MACF1: variants seen among roughly 807,000 people sequenced by gnomAD.
The protein encoded by MACF1 is microtubule-actin cross-linking factor 1.
Under a neutral mutation model 854.8 loss-of-function variants are expected in MACF1, and 193 were observed. The ratio of observed to expected loss-of-function variants is 0.23; its 90% CI spans 0.20 to 0.25. The LOEUF (loss-of-function observed/expected upper bound fraction) is 0.25. Among genes scored for constraint, MACF1 ranks in the 10% least tolerant of loss-of-function variants. MACF1 has a pLI of 1.00. For missense variants in MACF1, 7,722 were observed against 8,929.1 expected, an observed-to-expected ratio of 0.86 and a Z score of 5.45; for synonymous variants, 3,185 against 3,226.7, an observed-to-expected ratio of 0.99 and a Z score of 0.44.
Position 39,191,395 on chromosome 1 carries a change from T to C in MACF1, c.221-39787T>C, listed in dbSNP as rs182279180. 1.5e-3 allele frequency among the ~76,000 whole-genome samples: 224 copies of C among 152,346 alleles called. 2 individuals carry two copies. Among genetic ancestry groups the C allele is most frequent in the African/African-American group, 5.2e-3 (216 of 41,584 alleles). The stretch of plus-strand genomic sequence containing the variant: ...GCAGCTGTTTCCAAAATGTTTGCAC[T>C]AACTCCATAGATTCATGTCTGAAGG... On this transcript the variant is annotated intron_variant, in intron 2 of 93. Coordinates refer to the MACF1 transcript ENST00000361689.
rs554015654 is a variant in MACF1, at chr1:39,442,798, G to A, written c.19189G>A (p.Gly6397Arg). The A allele has an allele frequency of 2.5e-6, 4 of 1,614,154 alleles. No homozygotes were observed. The highest frequency in any genetic ancestry group is 2.2e-5 in the East Asian group (1 of 44,882). Reference protein sequence around the residue: ...AGNELLESSAGDDASSLRSRL... With the variant: ...AGNELLESSARDDASSLRSRL... ...CAATGAGCTTCTTGAATCCAGTGCT[G>A]GAGATGATGCCAGCAGCTTAAGGAG... The change falls in exon 78 of 101, where the codon GGA becomes AGA. Residue 6397 changes from glycine (G) to arginine (R), a missense_variant. Physicochemically the swap from Gly to Arg is moderately radical, Grantham distance 125. Coordinates refer to ENST00000564288, the MANE Select transcript of MACF1 (RefSeq NM_001394062.1).
rs533148655 is a variant in MACF1, at chr1:39,111,958, T to C, written c.220+27520T>C. ...CACACCCAACTATACCATCTGTTAC[T>C]GCCTAACACATCTCTCTTCTCCATT... On this transcript the variant is annotated intron_variant, in intron 2 of 93. Transcript: ENST00000361689. Among the ~76,000 whole-genome samples, 128 of 152,330 alleles carry C rather than the reference T, an allele frequency of 8.4e-4. 1 individual carries two copies. Among genetic ancestry groups the C allele is most frequent in the African/African-American group, 2.9e-3 (121 of 41,574 alleles).
chr1:39,472,044 C>G (rs2124152903), intron 97 of MACF1, among the ~76,000 whole-genome samples: 1 of 152,268 alleles, frequency 6.6e-6, no homozygotes, highest in East Asian at 1.9e-4. Context: ...ACTCCCTTAG[C>G]AAAGACAGCC....
intron 58 of MACF1, among the ~76,000 whole-genome samples, chr1:39,403,864 C>A (rs1642580627): frequency 6.6e-6 from 1 of 152,070 alleles, no homozygotes; most frequent in African/African-American, 2.4e-5. Context: ...CTTCGTGGCT[C>A]ATGCCTGTAA....
chr1:39,446,553 A>G (rs766668257), intron 80 of MACF1, among the ~76,000 whole-genome samples: 4 of 152,038 alleles, frequency 2.6e-5, no homozygotes, highest in Non-Finnish European at 5.9e-5. Context: ...AGAGGAAAAT[A>G]GAAATTACAA....
chr1:39,291,053 C>T (rs1241745474), intron 15 of MACF1, among the ~76,000 whole-genome samples: 1 of 151,834 alleles, frequency 6.6e-6, no homozygotes, highest in Non-Finnish European at 1.5e-5. Flanking sequence ...GTCACTGCAA[C>T]CTCTGACTCC....
chr1:39,421,800 C>T (rs1206209606), intron 58 of MACF1, among the ~76,000 whole-genome samples: 4 of 152,146 alleles, frequency 2.6e-5, no homozygotes, highest in Non-Finnish European at 4.4e-5. Flanking sequence ...ACAGGCCGGG[C>T]GCGGTGGCTC....
In MACF1 at chr1:39,358,762, T is replaced by C; in HGVS notation, c.12009T>C (p.Ala4003=). The change falls in exon 46 of 101, where the codon GCT becomes GCC. Residue 4003 remains alanine, a synonymous_variant. Transcript: ENST00000564288. Reference sequence around the variant, plus strand: ...AGTATCATCAATTCCAAAACAGTGCTGACAGCCTGCAGGCCTGGATGCAGG... The same window carrying C: ...AGTATCATCAATTCCAAAACAGTGCCGACAGCCTGCAGGCCTGGATGCAGG... ...LGQYHQFQNS[A]DSLQAWMQAC... is the part of the protein sequence containing the mutation. 8.1e-6 allele frequency: 13 copies of C among 1,614,120 alleles called. No individual in the cohort carries two copies. The highest frequency in any genetic ancestry group is 1.1e-5 in the South Asian group (1 of 91,078).
intron 97 of MACF1, among the ~76,000 whole-genome samples, chr1:39,473,441 T>C (rs114953804): frequency 2.3e-3 from 345 of 152,362 alleles, no homozygotes; most frequent in African/African-American, 7.1e-3. Flanking sequence ...ATTGCTTTAA[T>C]ATTCTATATA....
chr1:39,287,271 C>G lies in MACF1; in HGVS notation c.1509-15C>G. ...AGATTTAAATCCTTTCCTTTTTTCT[C>G]TTCTTCCATTTCAGGGTCATGCGTC... is the stretch of plus-strand genomic sequence containing the variant. On this transcript the variant is annotated splice_polypyrimidine_tract_variant and intron_variant, in intron 14 of 100. Transcript: ENST00000564288. The G allele has an allele frequency of 6.2e-7, 1 of 1,601,852 alleles. No homozygotes were observed. The highest frequency in any genetic ancestry group is 8.5e-7 in the Non-Finnish European group (1 of 1,174,494).
At chr1:39,435,904 C>G in intron 70 of MACF1, 143 bp downstream of exon 70, 1 of 686,038 alleles carries the variant, frequency 1.5e-6, no homozygotes, top group South Asian at 2.0e-5. Flanking sequence ...AAAGCTTAGC[C>G]TATCTTCATT....
intron 2 of MACF1, among the ~76,000 whole-genome samples, chr1:39,099,574 G>T (rs1421876152): frequency 1.3e-5 from 2 of 152,190 alleles, no homozygotes; most frequent in Non-Finnish European, 1.5e-5. Flanking sequence ...AGCAGAAAGA[G>T]AAATAATTTT....
At chr1:39,237,125 T>C (rs1397840228) in intron 2 of MACF1, among the ~76,000 whole-genome samples, 1 of 152,200 alleles carries the variant, frequency 6.6e-6, no homozygotes, top group Non-Finnish European at 1.5e-5. Flanking sequence ...ATGAGACAAC[T>C]CACTGCCCCC....
intron 2 of MACF1, among the ~76,000 whole-genome samples, chr1:39,166,781 C>G (rs1163907913): frequency 6.7e-6 from 1 of 149,422 alleles, no homozygotes; most frequent in Admixed American, 6.7e-5. Flanking sequence ...AGAGGAATGA[C>G]ATAAACAACT....
chr1:39,208,962 G>A (rs1644485267), intron 1 of MACF1, among the ~76,000 whole-genome samples: 1 of 151,734 alleles, frequency 6.6e-6, no homozygotes, highest in African/African-American at 2.4e-5. Context: ...ACAGATGTCA[G>A]TAAATATGGC....
chr1:39,116,591 ATTGT>A (rs1268837875), intron 2 of MACF1, among the ~76,000 whole-genome samples: 5 of 151,968 alleles, frequency 3.3e-5, no homozygotes, highest in Non-Finnish European at 5.9e-5. Flanking sequence ...TTGATTATTG[ATTGT>A]TTGTACTGTT....
chr1:39,197,555 C>T (rs1019152858), intron 2 of MACF1, among the ~76,000 whole-genome samples: 1 of 152,148 alleles, frequency 6.6e-6, no homozygotes, highest in Admixed American at 6.5e-5. Flanking sequence ...ATGGCTTTCA[C>T]TTTGGGAAAC....
rs1457638376 is a variant in MACF1, at chr1:39,452,746, G to A, written c.20676G>A (p.Thr6892=). The A allele has an allele frequency of 8.1e-6, 13 of 1,613,902 alleles. No homozygotes were observed. Among genetic ancestry groups the A allele is most frequent in the African/African-American group, 8.0e-5 (6 of 74,912 alleles). The change falls in exon 87 of 101, where the codon ACG becomes ACA. Residue 6892 remains threonine (T), a synonymous_variant. Coordinates refer to ENST00000564288, the MANE Select transcript of MACF1 (RefSeq NM_001394062.1). Reference sequence around the variant, plus strand: ...AGTGGCTTTCTGAAGCAGAGCAAACGCTTCGCTTTCGGGGAGCACTTCCTG... The same window carrying A: ...AGTGGCTTTCTGAAGCAGAGCAAACACTTCGCTTTCGGGGAGCACTTCCTG... ...LLEWLSEAEQ[T]LRFRGALPDD...
At chr1:39,456,432 T>G (rs1644440815) in intron 89 of MACF1, among the ~76,000 whole-genome samples, 1 of 152,210 alleles carries the variant, frequency 6.6e-6, no homozygotes, top group African/African-American at 2.4e-5. Flanking sequence ...AGTTAGATGA[T>G]TTTGCCTAAC....
Sources: gnomAD v4.1 joint callset for allele counts (sites outside exome capture counted in the v4.1 genomes callset) on GRCh38, gnomAD v4.1.1 for gene constraint, MANE v1.5 for transcripts, NCBI Gene and HGNC (gene_info 2026-07-23, HGNC 2026-07-21) for gene names.